The following GPT2 variants were observed in gnomAD, a reference collection of about 807,000 sequenced individuals.
GPT2 encodes the protein glutamic--pyruvic transaminase 2.
Under a neutral mutation model 56.9 loss-of-function variants are expected in GPT2, and 30 were observed. The ratio of observed to expected loss-of-function variants is 0.53; its 90% confidence interval spans 0.39 to 0.72. The LOEUF is 0.72. Among genes scored for constraint, GPT2 ranks in the 30% least tolerant of loss-of-function variants. The probability of loss-of-function intolerance (pLI) is 0.00; values close to 1 mark genes in which losing one functional copy is unlikely to be tolerated. For synonymous variants in GPT2, 271 were observed against 283.1 expected (o/e 0.96, Z 0.43); for missense variants, 542 against 703.4 (o/e 0.77, Z 2.60).
Position 46,922,288 on chromosome 16 carries a change from G to C in GPT2, c.1084G>C (p.Glu362Gln), listed in dbSNP as rs200472294. 23 of 1,614,156 alleles carry C rather than the reference G, an allele frequency of 1.4e-5. No homozygotes were observed. In the East Asian group the frequency reaches 4.7e-4, roughly 33 times the overall value. ...GYMEVINLHP[E>Q]IKGQLVKLLS... The stretch of plus-strand genomic sequence containing the variant: ...CATGGAGGTGATCAACCTGCACCCT[G>C]AGATCAAGGGCCAGCTGGTGAAGCT... Residue 362 changes from glutamate to glutamine, a missense_variant, in exon 9 of 12, where the codon GAG becomes CAG. Glu to Gln is a conservative substitution (Grantham distance 29). Transcript: ENST00000340124.
intron 1 of GPT2, 23 bp downstream of exon 1, chr16:46,884,490 G>A: frequency 2.4e-6 from 1 of 411,612 alleles, no homozygotes; most frequent in Middle Eastern, 6.5e-4. Flanking sequence ...CATGCCTTGG[G>A]CGCAGCCTTT....
intron 9 of GPT2, among the ~76,000 whole-genome samples, chr16:46,923,386 A>C (rs779278137): frequency 6.6e-6 from 1 of 152,212 alleles, no homozygotes; most frequent in African/African-American, 2.4e-5. Context: ...TGAACCCAGG[A>C]GGCGGAGGTT....
In GPT2 at chr16:46,909,766, C is replaced by T; in HGVS notation, c.659C>T (p.Ser220Leu). 1 of 1,614,144 alleles carries T rather than the reference C, an allele frequency of 6.2e-7. No homozygotes were observed. The highest frequency in any genetic ancestry group is 2.2e-5 in the East Asian group (1 of 44,882). Residue 220 changes from serine to leucine, a missense_variant, in exon 6 of 12, where the codon TCA (serine) becomes TTA (leucine). Ser to Leu is a moderately radical substitution (Grantham distance 145, BLOSUM62 -2). Coordinates refer to ENST00000340124, the MANE Select transcript of GPT2 (RefSeq NM_133443.4). ...MIPIPQYPLY[S>L]AVISELDAIQ... ...CCCATCCCACAATATCCCCTCTATT[C>T]AGCTGTCATCTCTGAGCTCGACGCC...
chr16:46,903,495 C>T (rs1256631760), intron 4 of GPT2, among the ~76,000 whole-genome samples: 3 of 151,816 alleles, frequency 2.0e-5, no homozygotes, highest in African/African-American at 7.3e-5. Flanking sequence ...TTTTTGTAGA[C>T]ATAGGGTCTC....
At chr16:46,897,602 G>T (rs1447181094) in intron 2 of GPT2, 46 bp from the exon 3 acceptor site, 1 of 1,576,968 alleles carries the variant, frequency 6.3e-7, no homozygotes, top group Non-Finnish European at 8.7e-7. Flanking sequence ...GGAATCCAGG[G>T]TTTAAGAGTT....
In GPT2 at chr16:46,931,068, G is replaced by GA. The variant is rs546555602; in HGVS notation, c.*2072dup. Reference sequence around the variant, plus strand: ...CAGATCTGTGTGTGTAGCATGTGCTGAGGAAGCACGTGCTGGGCTGTGCCT... The same window carrying GA: ...CAGATCTGTGTGTGTAGCATGTGCTGAAGGAAGCACGTGCTGGGCTGTGCCT... On this transcript the variant is annotated 3_prime_UTR_variant, in exon 12 of 12. Coordinates refer to ENST00000340124, the MANE Select transcript of GPT2 (RefSeq NM_133443.4). The GA allele has an allele frequency of 9.0e-4, 137 of 152,362 alleles. No individual in the cohort carries two copies. Among genetic ancestry groups the GA allele is most frequent in the African/African-American group, 3.2e-3 (133 of 41,574 alleles). 9.4% of individuals were successfully genotyped at this position (152,362 alleles called of 1,614,324 possible).
At chr16:46,897,777 G>C in intron 3 of GPT2, 40 bp downstream of exon 3, 7 of 1,592,736 alleles carry the variant, frequency 4.4e-6, no homozygotes, top group Non-Finnish European at 6.0e-6. Flanking sequence ...GGAGGGCAGG[G>C]CCCTGGGCTG....
chr16:46,884,578 G>A (rs1027130089), intron 1 of GPT2, 111 bp downstream of exon 1: 2 of 1,123,418 alleles, frequency 1.8e-6, no homozygotes, highest in Non-Finnish European at 2.3e-6. Flanking sequence ...GGGCACCAGC[G>A]CCGAAGCCAG....
Position 46,896,865 on chromosome 16 carries a change from C to T in GPT2, c.244-783C>T, listed in dbSNP as rs149982341. On this transcript the variant is annotated intron_variant, in intron 2 of 11. Coordinates refer to ENST00000340124, the MANE Select transcript of GPT2 (RefSeq NM_133443.4). ...GGTTAAGAAGAGTGACCTTGGAATC[C>T]GTCTTCCTGTACTTATATTCATTCC... Among the ~76,000 whole-genome samples the T allele has an allele frequency of 8.5e-4, 130 of 152,298 alleles. 1 individual carries two copies. The highest frequency in any genetic ancestry group is 3.0e-3 in the African/African-American group (124 of 41,572).
In GPT2 at chr16:46,884,963, G is replaced by A. The variant is rs1280338754; in HGVS notation, c.243+5G>A. On this transcript the variant is annotated splice_donor_5th_base_variant and intron_variant, in intron 2 of 11. Transcript: ENST00000340124. ...ATCGAGCTCGAGCTGCAGCGGGTGA[G>A]CGCGCGCTGGGCCCCGGGGAGGCTG... 4.7e-6 allele frequency: 7 copies of A among 1,489,560 alleles called. No homozygotes were observed. The highest frequency in any genetic ancestry group is 6.3e-6 in the Non-Finnish European group (7 of 1,113,458). The allele number at this position is 1,489,560 out of a possible 1,614,324, so 92.3% of individuals were successfully genotyped here.
At chr16:46,927,797 G>C (rs924390769) in intron 11 of GPT2, among the ~76,000 whole-genome samples, 1 of 143,498 alleles carries the variant, frequency 7.0e-6, no homozygotes, top group African/African-American at 2.6e-5. Context: ...GTGGTTGATG[G>C]CTTGATGAGA....
chr16:46,898,199 C>T (rs1209103096), intron 3 of GPT2, among the ~76,000 whole-genome samples: 2 of 152,148 alleles, frequency 1.3e-5, no homozygotes, highest in African/African-American at 4.8e-5. Flanking sequence ...GGCAGAGCGC[C>T]GCCTCGGGAG....
At chr16:46,896,158 T>C (rs957283713) in intron 2 of GPT2, among the ~76,000 whole-genome samples, 1 of 152,242 alleles carries the variant, frequency 6.6e-6, no homozygotes, top group African/African-American at 2.4e-5. Context: ...TTGTTTCAGG[T>C]AATCCTTTCA....
rs928980592 is a variant in GPT2, at chr16:46,897,698, C to T, written c.294C>T (p.Ala98=). Residue 98 remains alanine (A), a synonymous_variant, in exon 3 of 12, where the codon GCC becomes GCT. Coordinates refer to ENST00000340124, the MANE Select transcript of GPT2 (RefSeq NM_133443.4). ...TEVIRANIGD[A]QAMGQQPITF... is the part of the protein sequence containing the mutation. Reference sequence around the variant, plus strand: ...TCATCCGAGCCAACATCGGGGACGCCCAGGCTATGGGGCAGCAGCCAATCA... The same window carrying T: ...TCATCCGAGCCAACATCGGGGACGCTCAGGCTATGGGGCAGCAGCCAATCA... 2 of 1,614,130 alleles carry T rather than the reference C, an allele frequency of 1.2e-6. No homozygotes were observed. The highest frequency in any genetic ancestry group is 1.7e-6 in the Non-Finnish European group (2 of 1,179,968).
intron 2 of GPT2, among the ~76,000 whole-genome samples, chr16:46,890,309 C>T (rs1960561041): frequency 1.3e-5 from 2 of 152,166 alleles, no homozygotes; most frequent in South Asian, 2.1e-4. Flanking sequence ...CCAGTCAGTG[C>T]CCTTTTTGGG....
chr16:46,895,957 T>TA (rs1042440214), intron 2 of GPT2, among the ~76,000 whole-genome samples: 15 of 152,236 alleles, frequency 9.9e-5, no homozygotes, highest in African/African-American at 3.6e-4. Flanking sequence ...GTTATATCTG[T>TA]AAAATTTGTA....
intron 6 of GPT2, chr16:46,915,530 GAC>G (rs1369322281): frequency 2.5e-5 from 2 of 79,044 alleles, no homozygotes; most frequent in Admixed American, 1.4e-4. Context: ...ACACCACACA[GAC>G]ACAAACACAC....
rs145230805 is a variant in GPT2, at chr16:46,912,047, T to G, written c.820+2120T>G. ...TCCCGGGGTCTTCACTGTGTGAGAGTCAGTCAGCTGTGAGAAGAGGGTCTC... is the reference window on the plus strand; with the variant it reads ...TCCCGGGGTCTTCACTGTGTGAGAGGCAGTCAGCTGTGAGAAGAGGGTCTC... On this transcript the variant is annotated intron_variant, in intron 6 of 11. Coordinates refer to ENST00000340124, the MANE Select transcript of GPT2 (RefSeq NM_133443.4). Among the ~76,000 whole-genome samples the G allele has an allele frequency of 5.0e-3, 758 of 152,030 alleles. 2 individuals are homozygous for G. Among genetic ancestry groups the G allele is most frequent in the Non-Finnish European group, 8.3e-3 (566 of 67,980 alleles).
intron 6 of GPT2, among the ~76,000 whole-genome samples, chr16:46,915,099 T>A (rs1423048107): frequency 1.3e-5 from 2 of 151,368 alleles, no homozygotes; most frequent in African/African-American, 4.9e-5. Flanking sequence ...TATTGTAGAG[T>A]TGAGGTGTTG....
Sources: allele counts gnomAD v4.1 joint callset (sites outside exome capture counted in the v4.1 genomes callset), GRCh38; gene constraint gnomAD v4.1.1; transcripts MANE v1.5; gene names NCBI Gene and HGNC (gene_info 2026-07-23, HGNC 2026-07-21).